DCLK1: variants seen among roughly 807,000 people sequenced by gnomAD.
The protein encoded by DCLK1 is doublecortin like kinase 1, also known as serine/threonine-protein kinase DCLK1.
Under a neutral mutation model 86.2 loss-of-function variants are expected in DCLK1, and 16 were observed. The ratio of observed to expected loss-of-function variants is 0.19; its 90% CI spans 0.13 to 0.28. The LOEUF is 0.28. Among genes scored for constraint, DCLK1 ranks in the 10% least tolerant of loss-of-function variants. The pLI is 1.00. For missense variants in DCLK1, 590 were observed against 940.2 expected, an observed-to-expected ratio of 0.63 and a Z score of 4.87; for synonymous variants, 369 against 370.5, an observed-to-expected ratio of 1.00 and a Z score of 0.05.
intron 11 of DCLK1, among the ~76,000 whole-genome samples, chr13:35,815,739 T>C (rs532645114): frequency 2.0e-5 from 3 of 152,278 alleles, no homozygotes; most frequent in African/African-American, 7.2e-5. Flanking sequence ...TATAACAACA[T>C]TTAAGCAGGG....
intron 3 of DCLK1, among the ~76,000 whole-genome samples, chr13:36,069,900 G>C (rs962054077): frequency 6.6e-6 from 1 of 152,136 alleles, no homozygotes; most frequent in East Asian, 1.9e-4. Flanking sequence ...GCATCCATCA[G>C]CGATAGGATT....
At chr13:36,039,534 C>T (rs1259207895) in intron 3 of DCLK1, among the ~76,000 whole-genome samples, 1 of 152,092 alleles carries the variant, frequency 6.6e-6, no homozygotes, top group Non-Finnish European at 1.5e-5. Flanking sequence ...GAGGCAAACA[C>T]TGACTTTTAA....
chr13:36,018,699 T>A (rs935250678), intron 3 of DCLK1, among the ~76,000 whole-genome samples: 6 of 152,184 alleles, frequency 3.9e-5, no homozygotes, highest in Non-Finnish European at 8.8e-5. Flanking sequence ...ATATAATTTT[T>A]AAATAAAAAA....
rs143116758 is a variant in DCLK1, at chr13:35,882,529, C to A, written c.824-11189G>T. Among the ~76,000 whole-genome samples the A allele has an allele frequency of 1.2e-3, 189 of 152,300 alleles. 1 individual carries two copies. The highest frequency in any genetic ancestry group is 4.4e-3 in the African/African-American group (181 of 41,566). On this transcript the variant is annotated intron_variant, in intron 4 of 16. Coordinates refer to ENST00000360631, the MANE Select transcript of DCLK1 (RefSeq NM_001330071.2). ...TCCACTGCTTAGAACCCTTCTAGGA[C>A]TCTTTGTTGCTCTTCGAGAATATCC...
chr13:35,886,741 T>C (rs1873289656), intron 4 of DCLK1, among the ~76,000 whole-genome samples: 1 of 152,212 alleles, frequency 6.6e-6, no homozygotes, highest in Admixed American at 6.5e-5. Context: ...ACCCACATGT[T>C]AGGACAGCTT....
intron 3 of DCLK1, among the ~76,000 whole-genome samples, chr13:36,040,053 A>C (rs1005225938): frequency 6.6e-6 from 1 of 151,894 alleles, no homozygotes; most frequent in Non-Finnish European, 1.5e-5. Context: ...TAAAGGCATA[A>C]AAGTGAGACC....
intron 4 of DCLK1, among the ~76,000 whole-genome samples, chr13:35,895,452 A>G (rs1429611352): frequency 1.3e-5 from 2 of 152,180 alleles, no homozygotes; most frequent in Non-Finnish European, 2.9e-5. Context: ...GACTGGTCCC[A>G]TTTAAATTAC....
chr13:35,850,791 G>A, intron 6 of DCLK1: 3 of 1,582,808 alleles, frequency 1.9e-6, no homozygotes, highest in Non-Finnish European at 2.6e-6. Context: ...AAGATGAAGG[G>A]CAGTATAGAT....
At chr13:35,950,708 A>G (rs1877620258) in intron 3 of DCLK1, among the ~76,000 whole-genome samples, 1 of 152,220 alleles carries the variant, frequency 6.6e-6, no homozygotes, top group Non-Finnish European at 1.5e-5. Flanking sequence ...ACGCAAAGGC[A>G]GAAGTATCAA....
At chr13:36,102,827 G>A (rs1387155544) in intron 3 of DCLK1, among the ~76,000 whole-genome samples, 1 of 152,104 alleles carries the variant, frequency 6.6e-6, no homozygotes, top group Non-Finnish European at 1.5e-5. Flanking sequence ...CTTCTCGATC[G>A]ACTTTGGAAC....
At chr13:36,082,439 A>C (rs1220496534) in intron 3 of DCLK1, among the ~76,000 whole-genome samples, 3 of 152,204 alleles carry the variant, frequency 2.0e-5, no homozygotes, top group African/African-American at 7.2e-5. Flanking sequence ...TTAGTAATTA[A>C]GTTTTGGAAG....
intron 4 of DCLK1, among the ~76,000 whole-genome samples, chr13:35,934,719 CTG>C (rs1174088988): frequency 6.6e-6 from 1 of 152,066 alleles, no homozygotes; most frequent in East Asian, 1.9e-4. Context: ...ATCAGTATGT[CTG>C]TGTGTGTGTC....
At chr13:35,907,842 A>T (rs542712787) in intron 4 of DCLK1, among the ~76,000 whole-genome samples, 6 of 15,924 alleles carry the variant, frequency 3.8e-4, no homozygotes, top group South Asian at 2.3e-3. Flanking sequence ...AAAAAACTTT[A>T]AAAAAAAAAA....
At chr13:36,008,219 TTATTATTA>T (rs1291640586) in intron 3 of DCLK1, among the ~76,000 whole-genome samples, 1 of 8,138 alleles carries the variant, frequency 1.2e-4, no homozygotes, top group Non-Finnish European at 2.6e-4. Flanking sequence ...ATTATTATTA[TTATTATTA>T]TTTTTTTAAT....
chr13:35,926,509 T>G (rs1876127888), intron 4 of DCLK1, among the ~76,000 whole-genome samples: 2 of 152,242 alleles, frequency 1.3e-5, no homozygotes, highest in Admixed American at 6.5e-5. Context: ...TGCTGCTGAC[T>G]GTGGATGGCC....
At chr13:35,778,588 C>T (rs1004210373) in intron 16 of DCLK1, among the ~76,000 whole-genome samples, 18 of 152,084 alleles carry the variant, frequency 1.2e-4, no homozygotes, top group African/African-American at 3.1e-4. Flanking sequence ...GATGGGCACC[C>T]GACCCCATCA....
intron 3 of DCLK1, among the ~76,000 whole-genome samples, chr13:35,965,244 A>C (rs1878669704): frequency 6.6e-6 from 1 of 152,234 alleles, no homozygotes; most frequent in Non-Finnish European, 1.5e-5. Flanking sequence ...CTTTCAGTAG[A>C]AAAAGAATAT....
intron 4 of DCLK1, among the ~76,000 whole-genome samples, chr13:35,945,691 A>T (rs1484840964): frequency 6.6e-6 from 1 of 151,534 alleles, no homozygotes; most frequent in Non-Finnish European, 1.5e-5. Flanking sequence ...CTTCTGTCTG[A>T]CTCTTGACTT....
At chr13:35,793,534 A>G in intron 15 of DCLK1, 55 bp from the exon 16 acceptor site, 1 of 1,400,862 alleles carries the variant, frequency 7.1e-7, no homozygotes, top group Non-Finnish European at 9.8e-7. Flanking sequence ...GATAAATGAA[A>G]AATGAAGGCT....
Sources: allele counts gnomAD v4.1 joint callset (sites outside exome capture counted in the v4.1 genomes callset), GRCh38; gene constraint gnomAD v4.1.1; transcripts MANE v1.5; gene names NCBI Gene and HGNC (gene_info 2026-07-23, HGNC 2026-07-21).